The following ATP8A2 variants were observed in gnomAD, a reference collection of about 807,000 sequenced individuals.
The protein encoded by ATP8A2 is phospholipid-transporting ATPase IB.
ATP8A2 carries 100 observed loss-of-function variants against 165.6 expected under a neutral mutation model. The ratio of observed to expected loss-of-function variants is 0.60; its 90% confidence interval spans 0.51 to 0.71. The LOEUF (loss-of-function observed/expected upper bound fraction) is 0.71, where lower values mean the gene tolerates loss of function less well. Ranked by LOEUF, ATP8A2 falls within the 30% of genes least tolerant of loss-of-function variation. The pLI, the probability that ATP8A2 is intolerant of heterozygous loss-of-function variation, is 0.00. For missense variants in ATP8A2, 1,227 were observed against 1,479.5 expected, an observed-to-expected ratio of 0.83 and a Z score of 2.80; for synonymous variants, 543 against 548.8, an observed-to-expected ratio of 0.99 and a Z score of 0.15.
intron 33 of ATP8A2, among the ~76,000 whole-genome samples, chr13:25,954,604 A>G (rs891284947): frequency 3.8e-4 from 58 of 152,230 alleles, no homozygotes; most frequent in African/African-American, 1.3e-3. Context: ...CACCTCATAC[A>G]AGAGAGCTCT....
At chr13:25,438,256 A>C (rs1189149172) in intron 1 of ATP8A2, among the ~76,000 whole-genome samples, 5 of 152,210 alleles carry the variant, frequency 3.3e-5, no homozygotes, top group Non-Finnish European at 4.4e-5. Context: ...TTTTCAAAAA[A>C]GCTTTAAAAT....
intron 1 of ATP8A2, among the ~76,000 whole-genome samples, chr13:25,398,210 C>G (rs1236371591): frequency 1.3e-5 from 2 of 152,140 alleles, no homozygotes; most frequent in African/African-American, 4.8e-5. Context: ...GGGGTAAATA[C>G]TTTGATTACC....
chr13:25,803,886 A>G (rs905385967), intron 27 of ATP8A2, among the ~76,000 whole-genome samples: 2 of 152,238 alleles, frequency 1.3e-5, no homozygotes, highest in Non-Finnish European at 1.5e-5. Flanking sequence ...ACAGTACTCA[A>G]TCTCTAGCTT....
intron 24 of ATP8A2, among the ~76,000 whole-genome samples, chr13:25,673,920 A>G (rs1243848181): frequency 6.6e-6 from 1 of 152,222 alleles, no homozygotes; most frequent in Non-Finnish European, 1.5e-5. Flanking sequence ...TGAAAATTAC[A>G]TAGTCCATAT....
intron 33 of ATP8A2, among the ~76,000 whole-genome samples, chr13:25,920,623 A>C (rs1447863808): frequency 6.6e-6 from 1 of 152,138 alleles, no homozygotes; most frequent in Non-Finnish European, 1.5e-5. Flanking sequence ...CCAGCCTCAC[A>C]AGAACCTCAC....
At chr13:25,984,848 AATGTGTCACCAGG>A (rs1956244239) in intron 35 of ATP8A2, among the ~76,000 whole-genome samples, 1 of 152,164 alleles carries the variant, frequency 6.6e-6, no homozygotes, top group South Asian at 2.1e-4. Context: ...GAAACAAAGG[AATGTGTCACCAGG>A]ATTCCTCTCT....
chr13:25,892,303 G>T (rs564686294), intron 33 of ATP8A2, among the ~76,000 whole-genome samples: 5 of 152,276 alleles, frequency 3.3e-5, no homozygotes, highest in Admixed American at 1.3e-4. Flanking sequence ...TTAGTAGGTA[G>T]TGTCAGCTTG....
chr13:25,635,241 T>C (rs988616399), intron 24 of ATP8A2, among the ~76,000 whole-genome samples: 10 of 152,144 alleles, frequency 6.6e-5, no homozygotes, highest in Non-Finnish European at 1.2e-4. Flanking sequence ...AAGGAGAATG[T>C]GAGAAGGAGT....
intron 2 of ATP8A2, among the ~76,000 whole-genome samples, chr13:25,480,601 G>A (rs1233933532): frequency 3.3e-5 from 5 of 151,604 alleles, no homozygotes; most frequent in East Asian, 2.0e-4. Flanking sequence ...ATGGGATGGC[G>A]GCCGGGAAGA....
At chr13:25,958,261 A>G (rs1955575512) in intron 33 of ATP8A2, among the ~76,000 whole-genome samples, 1 of 151,864 alleles carries the variant, frequency 6.6e-6, no homozygotes, top group Admixed American at 6.6e-5. Context: ...ACAAACCTGC[A>G]TATGTTCTGC....
In ATP8A2 at chr13:25,975,891, A is replaced by G. The variant is rs139031662; in HGVS notation, c.3377+7212A>G. Among the ~76,000 whole-genome samples the G allele has an allele frequency of 7.5e-3, 1,135 of 152,298 alleles. 12 individuals carry two copies. The highest frequency in any genetic ancestry group is 0.026 in the African/African-American group (1,078 of 41,570). On this transcript the variant is annotated intron_variant, in intron 35 of 36. Transcript: ENST00000381655. ...TATTAAATGTAGAACTCCAGTCCCC[A>G]TGATCACATCTAACAAGTTAATAAT...
intron 1 of ATP8A2, among the ~76,000 whole-genome samples, chr13:25,394,145 T>C (rs1344099924): frequency 6.6e-6 from 1 of 152,008 alleles, no homozygotes; most frequent in African/African-American, 2.4e-5. Flanking sequence ...GTAAAGATTC[T>C]GATGGATGGT....
chr13:25,438,353 T>C (rs766882779), intron 1 of ATP8A2, among the ~76,000 whole-genome samples: 7 of 152,156 alleles, frequency 4.6e-5, no homozygotes, highest in Non-Finnish European at 1.0e-4. Context: ...AATTAGAAAA[T>C]GTAATCTCTG....
intron 33 of ATP8A2, among the ~76,000 whole-genome samples, chr13:25,933,926 G>A (rs964478934): frequency 2.6e-5 from 4 of 152,238 alleles, no homozygotes; most frequent in Admixed American, 2.0e-4. Context: ...AGCAAGACCT[G>A]GAGGCAGGCA....
chr13:25,745,247 T>C (rs1277463770), intron 25 of ATP8A2, among the ~76,000 whole-genome samples: 3 of 152,086 alleles, frequency 2.0e-5, no homozygotes, highest in Non-Finnish European at 4.4e-5. Context: ...GGGGCCTGGC[T>C]TTTCTGACTC....
chr13:25,952,790 A>G (rs190498953), intron 33 of ATP8A2, among the ~76,000 whole-genome samples: 5 of 152,298 alleles, frequency 3.3e-5, no homozygotes, highest in Admixed American at 2.6e-4. Flanking sequence ...CCAAGCCTTT[A>G]GAGGGGAGCA....
intron 23 of ATP8A2, among the ~76,000 whole-genome samples, chr13:25,584,309 A>G (rs2039859282): frequency 6.6e-6 from 1 of 152,222 alleles, no homozygotes; most frequent in African/African-American, 2.4e-5. Flanking sequence ...GCATGAGGTC[A>G]TGCTCTAGAT....
chr13:25,654,121 A>G (rs2041875236), intron 24 of ATP8A2, among the ~76,000 whole-genome samples: 1 of 152,220 alleles, frequency 6.6e-6, no homozygotes, highest in African/African-American at 2.4e-5. Flanking sequence ...TTGAAAAGAA[A>G]GCAGTTCTTT....
chr13:25,585,372 T>G (rs1277088835), intron 23 of ATP8A2, among the ~76,000 whole-genome samples: 1 of 152,200 alleles, frequency 6.6e-6, no homozygotes, highest in Non-Finnish European at 1.5e-5. Context: ...GCAATAGATG[T>G]GGAGTTTTCG....
Sources: allele counts gnomAD v4.1 joint callset (sites outside exome capture counted in the v4.1 genomes callset), GRCh38; gene constraint gnomAD v4.1.1; transcripts MANE v1.5; gene names NCBI Gene and HGNC (gene_info 2026-07-23, HGNC 2026-07-21).